The following PCDHGA6 variants were observed in gnomAD, a reference collection of about 807,000 sequenced individuals.
PCDHGA6 encodes the protein protocadherin gamma-A6.
Under a neutral mutation model 60.6 loss-of-function variants are expected in PCDHGA6, and 41 were observed. The observed-to-expected ratio is 0.68, with a 90% CI of 0.53 to 0.88. PCDHGA6 has a LOEUF of 0.88. PCDHGA6 is among the 40% of genes least tolerant of loss of function. PCDHGA6 has a pLI of 0.00. For missense variants in PCDHGA6, 1,312 were observed against 1,203.0 expected (o/e 1.09, Z -1.34); for synonymous variants, 594 against 524.4 (o/e 1.13, Z -1.81).
chr5:141,444,035 T>C (rs928920813), intron 1 of PCDHGA6, among the ~76,000 whole-genome samples: 1 of 151,694 alleles, frequency 6.6e-6, no homozygotes, highest in Non-Finnish European at 1.5e-5. Context: ...ATTCAGTAAA[T>C]CAGATAATTT....
intron 1 of PCDHGA6, among the ~76,000 whole-genome samples, chr5:141,467,361 G>A (rs555435172): frequency 1.3e-5 from 2 of 151,860 alleles, no homozygotes; most frequent in South Asian, 4.2e-4. Context: ...CCAAATCAAC[G>A]TTTTCTTATA....
Position 141,432,195 on chromosome 5 carries a change from C to A in PCDHGA6, c.2424+55688C>A, listed in dbSNP as rs1334965321. ...CTCGTCTCTGTGACCGCCCACGACC[C>A]CGACTGTGAAGAGAACGCCCAGATC... On this transcript the variant is annotated intron_variant, in intron 1 of 3. Transcript: ENST00000517434. This position sits in a 1 kb window ranked among gnomAD's most constrained non-coding sequence, Gnocchi z 6.0. 22 of 1,614,088 alleles carry A rather than the reference C, an allele frequency of 1.4e-5. No homozygotes were observed. The highest frequency in any genetic ancestry group is 1.9e-5 in the Non-Finnish European group (22 of 1,180,058).
intron 1 of PCDHGA6, chr5:141,415,772 T>TTTA (rs1561760673): frequency 5.3e-6 from 7 of 1,332,980 alleles, no homozygotes; most frequent in Non-Finnish European, 6.7e-6. Flanking sequence ...TTTTTTTTTT[T>TTTA]ACTTTCTGGT....
intron 1 of PCDHGA6, chr5:141,378,655 G>A (rs963845635): frequency 2.6e-5 from 4 of 152,084 alleles, no homozygotes; most frequent in Admixed American, 6.5e-5. Context: ...ATGTTAATGA[G>A]GTTCAAATAA....
chr5:141,392,628 A>T (rs2092566593), intron 1 of PCDHGA6: 1 of 588,334 alleles, frequency 1.7e-6, no homozygotes, highest in South Asian at 2.7e-5. Context: ...AAACACTCAG[A>T]TCTCACACCT....
chr5:141,429,387 T>TTAA (rs775632416), intron 1 of PCDHGA6, among the ~76,000 whole-genome samples: 1 of 151,334 alleles, frequency 6.6e-6, no homozygotes, highest in Non-Finnish European at 1.5e-5. Flanking sequence ...GTTTTTTTTT[T>TTAA]AAAAAAAATT....
At chr5:141,400,654 C>A in intron 1 of PCDHGA6, 1 of 1,142,176 alleles carries the variant, frequency 8.8e-7, no homozygotes, top group Non-Finnish European at 1.3e-6. Context: ...AGCTGTCCTA[C>A]CATTCTTTAA....
In PCDHGA6 at chr5:141,486,407, C is replaced by A; in HGVS notation, c.2425-8400C>A. The A allele has an allele frequency of 6.2e-7, 1 of 1,614,134 alleles. No homozygotes were observed. The highest frequency in any genetic ancestry group is 8.5e-7 in the Non-Finnish European group (1 of 1,180,000). On this transcript the variant is annotated intron_variant, in intron 1 of 3. Transcript: ENST00000517434. This position sits in a 1 kb window ranked among gnomAD's most constrained non-coding sequence, Gnocchi z 5.0. Reference sequence around the variant, plus strand: ...CCAGTTCTCCCTGGTGACTGCTGGACCCTTGGATCGAGAGGCCAAATCTAG... The same window carrying A: ...CCAGTTCTCCCTGGTGACTGCTGGAACCTTGGATCGAGAGGCCAAATCTAG...
chr5:141,494,198 C>T (rs1383940298), intron 1 of PCDHGA6, among the ~76,000 whole-genome samples: 8 of 152,158 alleles, frequency 5.3e-5, no homozygotes, highest in African/African-American at 1.7e-4. Context: ...TTGGATGCCC[C>T]GCAAAGGCCC....
At chr5:141,386,329 GA>G (rs1445155662) in intron 1 of PCDHGA6, among the ~76,000 whole-genome samples, 4 of 152,150 alleles carry the variant, frequency 2.6e-5, no homozygotes, top group Non-Finnish European at 4.4e-5. Context: ...TTGTCATCCA[GA>G]AGGGGTGGAT....
At chr5:141,474,115 G>A (rs1404490690) in intron 1 of PCDHGA6, among the ~76,000 whole-genome samples, 2 of 152,062 alleles carry the variant, frequency 1.3e-5, no homozygotes, top group South Asian at 2.1e-4. Context: ...CAACAACAAC[G>A]AAAATCTCAG....
chr5:141,400,368 C>T lies in PCDHGA6; in HGVS notation c.2424+23861C>T. On this transcript the variant is annotated intron_variant, in intron 1 of 3. Coordinates refer to ENST00000517434, the MANE Select transcript of PCDHGA6 (RefSeq NM_018919.3). ...ACAGTCAGGGGACTTTGCCTTATTC[C>T]TACAACCTATGTGTTGCACATACAG... is the stretch of plus-strand genomic sequence containing the variant. 8.1e-6 allele frequency: 13 copies of T among 1,614,044 alleles called. No homozygotes were observed. The highest frequency in any genetic ancestry group is 1.6e-4 in the Middle Eastern group (1 of 6,062).
intron 1 of PCDHGA6, chr5:141,408,082 G>C (rs890768118): frequency 2.1e-6 from 3 of 1,417,248 alleles, no homozygotes; most frequent in Non-Finnish European, 1.9e-6. Flanking sequence ...TCCCAGCACA[G>C]CGGATTGCCA....
chr5:141,426,418 T>C (rs1445827088), intron 1 of PCDHGA6: 2 of 288,504 alleles, frequency 6.9e-6, no homozygotes, highest in Non-Finnish European at 1.4e-5. Flanking sequence ...GGTCCAGGGC[T>C]CCGTGGTGGG....
chr5:141,383,004 G>A, intron 1 of PCDHGA6: 1 of 1,613,698 alleles, frequency 6.2e-7, no homozygotes, highest in Non-Finnish European at 8.5e-7. Flanking sequence ...TCTACTCCGT[G>A]TCGGAGGAGA....
At chr5:141,498,991 AG>A (rs1449718352) in intron 2 of PCDHGA6, among the ~76,000 whole-genome samples, 8 of 144,362 alleles carry the variant, frequency 5.5e-5, no homozygotes, top group Non-Finnish European at 1.0e-4. Context: ...GAAGGAAGGA[AG>A]GAAGGAAGGA....
Position 141,450,950 on chromosome 5 carries a change from A to G in PCDHGA6, c.2425-43857A>G, listed in dbSNP as rs1176916120. ...AGCAATTCTCCTACCTCAGCCTCCCAAGTAGCTGGGATTACAGGCATGTGC... is the reference window on the plus strand; with the variant it reads ...AGCAATTCTCCTACCTCAGCCTCCCGAGTAGCTGGGATTACAGGCATGTGC... On this transcript the variant is annotated intron_variant, in intron 1 of 3. Coordinates refer to ENST00000517434, the MANE Select transcript of PCDHGA6 (RefSeq NM_018919.3). Among the ~76,000 whole-genome samples, 9 of 150,714 alleles carry G rather than the reference A, an allele frequency of 6.0e-5. No individual in the cohort carries two copies. In the East Asian group the frequency reaches 1.6e-3, roughly 26 times the overall value.
At chr5:141,401,368 A>G (rs2094146364) in intron 1 of PCDHGA6, among the ~76,000 whole-genome samples, 3 of 152,186 alleles carry the variant, frequency 2.0e-5, no homozygotes, top group Admixed American at 2.0e-4. Flanking sequence ...GAAGGAGAGG[A>G]AGAAGAAGAA....
intron 1 of PCDHGA6, chr5:141,440,968 T>A (rs1487107428): frequency 6.6e-6 from 1 of 152,198 alleles, no homozygotes; most frequent in African/African-American, 2.4e-5. Flanking sequence ...AGATCACATA[T>A]GGCTTCACAA....
Sources: gnomAD v4.1 joint callset for allele counts (sites outside exome capture counted in the v4.1 genomes callset) on GRCh38, gnomAD v4.1.1 for gene constraint, Gnocchi (gnomAD v3.1) non-coding constraint, MANE v1.5 for transcripts, NCBI Gene and HGNC (gene_info 2026-07-23, HGNC 2026-07-21) for gene names.